Variants in CLVS1 observed in about 807,000 individuals in gnomAD.
The protein encoded by CLVS1 is clavesin-1.
Under a neutral mutation model 33.1 loss-of-function variants are expected in CLVS1, and 10 were observed. The ratio of observed to expected loss-of-function variants is 0.30; its 90% CI spans 0.19 to 0.51. The LOEUF is 0.51. Ranked by LOEUF, CLVS1 falls within the 20% of genes least tolerant of loss-of-function variation. CLVS1 has a pLI of 0.97. For synonymous variants in CLVS1, 163 were observed against 166.1 expected (o/e 0.98, Z 0.14); for missense variants, 343 against 433.4 (o/e 0.79, Z 1.85).
intron 2 of CLVS1, among the ~76,000 whole-genome samples, chr8:61,323,963 G>C (rs931405556): frequency 3.3e-5 from 5 of 152,094 alleles, no homozygotes; most frequent in African/African-American, 1.2e-4. Context: ...TCCCTGCAAA[G>C]GACATGATCT....
intron 1 of CLVS1, among the ~76,000 whole-genome samples, chr8:61,061,011 G>A (rs925110932): frequency 3.3e-5 from 5 of 152,178 alleles, no homozygotes; most frequent in Non-Finnish European, 7.3e-5. Context: ...CTCCTCAGCT[G>A]CAGACTTGAT....
At chr8:61,242,391 C>T (rs6993227) in intron 2 of CLVS1, among the ~76,000 whole-genome samples, 23,148 of 151,990 alleles carry the variant, frequency 0.15, 3,666 homozygotes, top group East Asian at 0.68. Context: ...TTTACCTTCA[C>T]GTTCTCTGAT....
intron 3 of CLVS1, among the ~76,000 whole-genome samples, chr8:61,450,481 T>A (rs1166017281): frequency 2.0e-5 from 3 of 152,052 alleles, no homozygotes; most frequent in Non-Finnish European, 4.4e-5. Flanking sequence ...AGAAAGGGGA[T>A]AAAAATCACA....
chr8:61,256,579 C>G (rs1809087491), intron 2 of CLVS1, among the ~76,000 whole-genome samples: 2 of 151,972 alleles, frequency 1.3e-5, no homozygotes, highest in African/African-American at 4.8e-5. Context: ...CTAACCTACT[C>G]TTTATCTCAA....
At chr8:61,414,181 C>T (rs1285180173) in intron 3 of CLVS1, among the ~76,000 whole-genome samples, 1 of 152,092 alleles carries the variant, frequency 6.6e-6, no homozygotes, top group Non-Finnish European at 1.5e-5. Context: ...GATATATGAA[C>T]AAATAATTAC....
At chr8:61,167,974 C>T (rs1585658176) in intron 2 of CLVS1, among the ~76,000 whole-genome samples, 1 of 152,216 alleles carries the variant, frequency 6.6e-6, no homozygotes, top group African/African-American at 2.4e-5. Context: ...CCAGCGGCCC[C>T]CAGGGCTGCT....
At chr8:61,268,206 C>A (rs1809353552) in intron 2 of CLVS1, among the ~76,000 whole-genome samples, 1 of 143,094 alleles carries the variant, frequency 7.0e-6, no homozygotes, top group Non-Finnish European at 1.5e-5. Context: ...GTGATATTCC[C>A]CTTCCTGTGT....
chr8:61,353,978 A>C (rs143663846), intron 2 of CLVS1, among the ~76,000 whole-genome samples: 180 of 152,136 alleles, frequency 1.2e-3, no homozygotes, highest in African/African-American at 3.5e-3. Flanking sequence ...TCATAAAGTC[A>C]ATAACTTAGA....
At chr8:61,117,730 T>G (rs1293480708) in intron 1 of CLVS1, among the ~76,000 whole-genome samples, 1 of 152,202 alleles carries the variant, frequency 6.6e-6, no homozygotes, top group African/African-American at 2.4e-5. Context: ...GCCCACTTGA[T>G]CATGGTGGAT....
chr8:61,354,963 TACAA>T (rs934613744), intron 2 of CLVS1, among the ~76,000 whole-genome samples: 3 of 152,152 alleles, frequency 2.0e-5, no homozygotes, highest in Non-Finnish European at 4.4e-5. Flanking sequence ...CATGCACACA[TACAA>T]ACAAATTATT....
chr8:61,315,153 T>C (rs547311289), intron 2 of CLVS1, among the ~76,000 whole-genome samples: 1 of 152,316 alleles, frequency 6.6e-6, no homozygotes, highest in South Asian at 2.1e-4. Flanking sequence ...TGTACTTTTC[T>C]TCTCTCTAAT....
chr8:61,400,861 C>G (rs545657505), intron 3 of CLVS1, among the ~76,000 whole-genome samples: 3 of 152,108 alleles, frequency 2.0e-5, no homozygotes, highest in Non-Finnish European at 4.4e-5. Flanking sequence ...GTTGAACTAA[C>G]CTTCCATCCA....
chr8:61,285,852 G>A (rs981558471), upstream of CLVS1, among the ~76,000 whole-genome samples: 8 of 152,122 alleles, frequency 5.3e-5, no homozygotes, highest in South Asian at 1.7e-3. Flanking sequence ...TGTTGAACAT[G>A]TGACTAGCAT....
chr8:60,998,328 A>G, the CLVS1 span, among the ~76,000 whole-genome samples: 1 of 152,198 alleles, frequency 6.6e-6, no homozygotes. Flanking sequence ...CTGCCACTTC[A>G]GCCCCCTCAG....
At chr8:61,236,879 G>A (rs16927076) in intron 2 of CLVS1, among the ~76,000 whole-genome samples, 33,031 of 152,106 alleles carry the variant, frequency 0.22, 6,231 homozygotes, top group East Asian at 0.69. Flanking sequence ...CTTGGGATGC[G>A]AGAGGTCAGG....
chr8:61,379,971 A>G (rs1292237502), intron 3 of CLVS1, among the ~76,000 whole-genome samples: 2 of 152,108 alleles, frequency 1.3e-5, no homozygotes, highest in African/African-American at 4.8e-5. Flanking sequence ...TTATCTGAGG[A>G]CTTTCTGGCA....
chr8:61,424,738 G>C (rs1373345633), intron 3 of CLVS1, among the ~76,000 whole-genome samples: 1 of 152,168 alleles, frequency 6.6e-6, no homozygotes, highest in Admixed American at 6.5e-5. Flanking sequence ...GGTAAAGGTA[G>C]CTAAGAATTT....
intron 2 of CLVS1, among the ~76,000 whole-genome samples, chr8:61,263,459 T>C (rs896877866): frequency 8.5e-5 from 13 of 152,230 alleles, no homozygotes; most frequent in Non-Finnish European, 1.3e-4. Context: ...TAGCTCTCCT[T>C]CAGCAAGTGT....
At chr8:61,214,725 G>A (rs1255170007) in intron 2 of CLVS1, among the ~76,000 whole-genome samples, 2 of 152,182 alleles carry the variant, frequency 1.3e-5, no homozygotes, top group African/African-American at 4.8e-5. Flanking sequence ...CCAACTTTTT[G>A]CACCTGATTT....
Sources: allele counts gnomAD v4.1 joint callset (sites outside exome capture counted in the v4.1 genomes callset), GRCh38; gene constraint gnomAD v4.1.1; transcripts MANE v1.5; gene names NCBI Gene and HGNC (gene_info 2026-07-23, HGNC 2026-07-21).